USP6NL: variants seen among roughly 807,000 people sequenced by gnomAD.
USP6NL encodes USP6 N-terminal like, also known as USP6 N-terminal-like protein.
In USP6NL, 26 loss-of-function variants were observed where a neutral mutation model predicts 61.9. That is an observed-to-expected ratio of 0.42 (90% CI 0.31 to 0.58). The LOEUF (loss-of-function observed/expected upper bound fraction) is 0.58, where lower values mean the gene tolerates loss of function less well. Among genes scored for constraint, USP6NL ranks in the 20% least tolerant of loss-of-function variants. The probability of loss-of-function intolerance (pLI) is 0.16; values close to 1 mark genes in which losing one functional copy is unlikely to be tolerated. For synonymous variants in USP6NL, 432 were observed against 390.1 expected, an observed-to-expected ratio of 1.11 and a Z score of -1.27; for missense variants, 1,114 against 1,034.3, an observed-to-expected ratio of 1.08 and a Z score of -1.06.
intron 2 of USP6NL, among the ~76,000 whole-genome samples, chr10:11,527,892 T>C (rs147864764): frequency 6.6e-6 from 1 of 152,208 alleles, no homozygotes; most frequent in Non-Finnish European, 1.5e-5. Flanking sequence ...AGTTTTCAGA[T>C]GAAGCCCACT....
intron 2 of USP6NL, among the ~76,000 whole-genome samples, chr10:11,569,338 A>G (rs995114603): frequency 9.2e-5 from 14 of 152,210 alleles, no homozygotes; most frequent in African/African-American, 2.9e-4. Flanking sequence ...ATATTATGGC[A>G]ATTTTAACCA....
rs1331375482 is a variant in USP6NL, at chr10:11,587,741, A to G, written c.4+9890T>C. ...CTTGAGATTTTTATCAAGATAATTCAGAACAGGAATTCTACTAAAAGGGAT... is the reference window on the plus strand; with the variant it reads ...CTTGAGATTTTTATCAAGATAATTCGGAACAGGAATTCTACTAAAAGGGAT... On this transcript the variant is annotated intron_variant, in intron 2 of 14. Coordinates refer to ENST00000609104, the MANE Select transcript of USP6NL (RefSeq NM_014688.5). This position sits in a 1 kb window ranked among gnomAD's most constrained non-coding sequence, Gnocchi z 4.5. 4.6e-5 allele frequency among the ~76,000 whole-genome samples: 7 copies of G among 152,222 alleles called. No individual in the cohort carries two copies. Among genetic ancestry groups the G allele is most frequent in the African/African-American group, 1.2e-4 (5 of 41,460 alleles).
chr10:11,462,193 C>T lies in USP6NL; in HGVS notation c.*248G>A. Reference sequence around the variant, plus strand: ...GAGTAATAAATTACCACTGTGCGTGCATCCCTAAATGCTATTGCGATGTTT... The same window carrying T: ...GAGTAATAAATTACCACTGTGCGTGTATCCCTAAATGCTATTGCGATGTTT... On this transcript the variant is annotated 3_prime_UTR_variant, in exon 15 of 15. Coordinates refer to ENST00000609104, the MANE Select transcript of USP6NL (RefSeq NM_014688.5). 4.2e-6 allele frequency: 2 copies of T among 473,280 alleles called. No homozygotes were observed. The highest frequency in any genetic ancestry group is 7.4e-6 in the Non-Finnish European group (2 of 270,152). The allele number at this position is 473,280 out of a possible 1,614,324, so 29.3% of individuals were successfully genotyped here.
At chr10:11,542,390 T>C (rs1048534778) in intron 2 of USP6NL, among the ~76,000 whole-genome samples, 5 of 152,188 alleles carry the variant, frequency 3.3e-5, no homozygotes, top group Admixed American at 6.5e-5. Flanking sequence ...AAAAAAGTTT[T>C]AGGTACAAAA....
chr10:11,560,943 A>T (rs1436478033), intron 2 of USP6NL, among the ~76,000 whole-genome samples: 1 of 151,982 alleles, frequency 6.6e-6, no homozygotes, highest in East Asian at 1.9e-4. Context: ...ATACACTAAT[A>T]ATGTACAAGA....
At position 11,589,265 on chromosome 10, in the gene USP6NL, CTGTTA is replaced by C. The variant is rs1014500243; in HGVS notation, c.4+8361_4+8365del. Among the ~76,000 whole-genome samples the C allele has an allele frequency of 2.7e-4, 41 of 152,308 alleles. No homozygotes were observed. The highest frequency in any genetic ancestry group is 9.6e-4 in the African/African-American group (40 of 41,564). The stretch of plus-strand genomic sequence containing the variant: ...AATTAACCACTTAGCATGTAAATTT[CTGTTA>C]TATTAGTTAAAACAACAAATTTAAG... On this transcript the variant is annotated intron_variant, in intron 2 of 14. Coordinates refer to ENST00000609104, the MANE Select transcript of USP6NL (RefSeq NM_014688.5). The surrounding 1 kb of genome is among the most constrained non-coding windows in gnomAD (Gnocchi z 4.7).
chr10:11,473,662 C>T lies in USP6NL; in HGVS notation c.1078+8108G>A, dbSNP rs143038469. Among the ~76,000 whole-genome samples the T allele has an allele frequency of 1.7e-3, 258 of 152,306 alleles. 2 individuals are homozygous for T. The highest frequency in any genetic ancestry group is 6.0e-3 in the African/African-American group (249 of 41,556). ...ACAGCTCTGGAGTCAACTGACAGAA[C>T]TCTCATTACCAACTGTCTGACCTCG... On this transcript the variant is annotated intron_variant, in intron 14 of 14. Transcript: ENST00000609104.
At chr10:11,498,505 C>T (rs749179944) in intron 7 of USP6NL, among the ~76,000 whole-genome samples, 2 of 151,900 alleles carry the variant, frequency 1.3e-5, no homozygotes, top group East Asian at 3.9e-4. Flanking sequence ...AGTCACCTAG[C>T]CTCGCTAAGC....
intron 4 of USP6NL, among the ~76,000 whole-genome samples, chr10:11,519,873 A>G (rs1454904669): frequency 1.3e-5 from 2 of 152,184 alleles, no homozygotes; most frequent in Non-Finnish European, 2.9e-5. Context: ...TGTTTTGGCA[A>G]CACTATGTTT....
In USP6NL at chr10:11,468,576, A is replaced by G. The variant is rs1312359472; in HGVS notation, c.1079-4727T>C. Among the ~76,000 whole-genome samples, 1 of 152,228 alleles carries G rather than the reference A, an allele frequency of 6.6e-6. No individual in the cohort carries two copies. The highest frequency in any genetic ancestry group is 2.4e-5 in the African/African-American group (1 of 41,460). On this transcript the variant is annotated intron_variant, in intron 14 of 14. Coordinates refer to ENST00000609104, the MANE Select transcript of USP6NL (RefSeq NM_014688.5). The surrounding 1 kb of genome is among the most constrained non-coding windows in gnomAD (Gnocchi z 4.5). The stretch of plus-strand genomic sequence containing the variant: ...ACAGGGTAGGGAAGAGAGGTCAAGG[A>G]CAGCAGCAAGATGGTTTCATAAAAC...
chr10:11,535,541 T>C (rs186196458), intron 2 of USP6NL, among the ~76,000 whole-genome samples: 42 of 152,272 alleles, frequency 2.8e-4, no homozygotes, highest in Non-Finnish European at 5.9e-5. Flanking sequence ...AAACAGCACC[T>C]GAGATGCAGA....
At chr10:11,608,450 G>A (rs1158841289) in intron 1 of USP6NL, among the ~76,000 whole-genome samples, 5 of 152,200 alleles carry the variant, frequency 3.3e-5, no homozygotes, top group Non-Finnish European at 4.4e-5. Flanking sequence ...TCATACAGAA[G>A]CAGCTTATTT....
At chr10:11,492,006 C>T (rs1833726341) in intron 8 of USP6NL, among the ~76,000 whole-genome samples, 1 of 152,120 alleles carries the variant, frequency 6.6e-6, no homozygotes, top group Non-Finnish European at 1.5e-5. Flanking sequence ...TTCTTCTTCC[C>T]TCTCTTTTAC....
Position 11,525,056 on chromosome 10 carries a change from A to G in USP6NL, c.155+330T>C, listed in dbSNP as rs1835363142. ...AGTTCGAATTGCTATTTATTTTTAA[A>G]ATGCGCTGGTACAGAATGAAATGTT... On this transcript the variant is annotated intron_variant, in intron 4 of 14. Transcript: ENST00000609104. The surrounding 1 kb of genome is among the most constrained non-coding windows in gnomAD (Gnocchi z 5.0). 6.6e-6 allele frequency among the ~76,000 whole-genome samples: 1 copy of G among 152,220 alleles called. No individual in the cohort carries two copies.
In USP6NL at chr10:11,481,901, A is replaced by C; in HGVS notation, c.947T>G (p.Met316Arg). 1.2e-6 allele frequency: 2 copies of C among 1,609,836 alleles called. No homozygotes were observed. Among genetic ancestry groups the C allele is most frequent in the Non-Finnish European group, 1.7e-6 (2 of 1,178,278 alleles). Residue 316 changes from methionine to arginine, a missense_variant, in exon 14 of 15, where the codon ATG becomes AGG. Transcript: ENST00000609104. This position sits in a 1 kb window ranked among gnomAD's most constrained non-coding sequence, Gnocchi z 4.4. ...LHKKHLMKLS[M>R]EELVEFFQET... The stretch of plus-strand genomic sequence containing the variant: ...CTGAAAAAATTCTACAAGTTCTTCC[A>C]TGGACAATTTCATTAGATGTTCTAA...
chr10:11,479,581 GT>G lies in USP6NL; in HGVS notation c.1078+2188del, dbSNP rs1349908671. ...CATGTAGGTGTTTTTTTTTTTTTTGGTTTTTTTTTTTTGAGTCGGAGTCTCA... is the reference window on the plus strand; with the variant it reads ...CATGTAGGTGTTTTTTTTTTTTTTGGTTTTTTTTTTTGAGTCGGAGTCTCA... On this transcript the variant is annotated intron_variant, in intron 14 of 14. Transcript: ENST00000609104. 2.3e-4 allele frequency among the ~76,000 whole-genome samples: 32 copies of G among 141,942 alleles called. No individual in the cohort carries two copies. The South Asian group carries it at 4.3e-3, about 19-fold the overall frequency. The allele number at this position is 141,942 out of a possible 152,430, so 93.1% of individuals were successfully genotyped here.
At chr10:11,604,380 A>G (rs1838644445) in intron 1 of USP6NL, among the ~76,000 whole-genome samples, 1 of 152,192 alleles carries the variant, frequency 6.6e-6, no homozygotes, top group Non-Finnish European at 1.5e-5. Context: ...AAGCTGGTCT[A>G]AAATGTTGGT....
intron 6 of USP6NL, among the ~76,000 whole-genome samples, chr10:11,509,020 T>C (rs937215178): frequency 6.6e-6 from 1 of 152,224 alleles, no homozygotes; most frequent in African/African-American, 2.4e-5. Context: ...TTTAAAGACT[T>C]TTCTGATGAG....
chr10:11,573,522 C>G (rs1837434568), intron 2 of USP6NL: 1 of 397,654 alleles, frequency 2.5e-6, no homozygotes, highest in African/African-American at 2.1e-5. Flanking sequence ...CTCAAAACCC[C>G]TTTTTATAGC....
Sources: gnomAD v4.1 joint callset for allele counts (sites outside exome capture counted in the v4.1 genomes callset) on GRCh38, gnomAD v4.1.1 for gene constraint, Gnocchi (gnomAD v3.1) non-coding constraint, MANE v1.5 for transcripts, NCBI Gene and HGNC (gene_info 2026-07-23, HGNC 2026-07-21) for gene names.